Variants in A2ML1 observed in about 807,000 individuals in gnomAD.
A2ML1 encodes alpha-2-macroglobulin-like protein 1.
A2ML1 carries 161 observed loss-of-function variants against 181.9 expected under a neutral mutation model. The observed-to-expected ratio is 0.89, with a 90% CI of 0.78 to 1.01. The LOEUF (loss-of-function observed/expected upper bound fraction) is 1.01. A2ML1 is among the 50% of genes least tolerant of loss of function. A2ML1 has a pLI of 0.00. For missense variants in A2ML1, 1,670 were observed against 1,768.1 expected (o/e 0.94, Z 1.00); for synonymous variants, 663 against 666.8 (o/e 0.99, Z 0.09).
At chr12:8,867,349 T>C (rs1944454634) in intron 29 of A2ML1, among the ~76,000 whole-genome samples, 2 of 152,194 alleles carry the variant, frequency 1.3e-5, no homozygotes, top group Non-Finnish European at 2.9e-5. Context: ...GGTGATTTTC[T>C]ATAAAAGCAT....
intron 14 of A2ML1, among the ~76,000 whole-genome samples, chr12:8,847,243 A>AT (rs1056266307): frequency 8.0e-4 from 26 of 32,526 alleles, no homozygotes; most frequent in Non-Finnish European, 1.2e-3. Flanking sequence ...CCCTGTCTCT[A>AT]TTAAAAAAAA....
chr12:8,839,200 C>A lies in A2ML1; in HGVS notation c.1058C>A (p.Pro353Gln). 6.2e-7 allele frequency: 1 copy of A among 1,613,134 alleles called. No homozygotes were observed. Among genetic ancestry groups the A allele is most frequent in the South Asian group, 1.1e-5 (1 of 91,006 alleles). ...TFEDTSNFYH[P>Q]NFPFSGKIRV... ...GAAGACACCAGCAATTTTTACCATC[C>A]AAATTTCCCCTTCAGTGGGAAGGTA... Residue 353 changes from proline (P) to glutamine (Q), a missense_variant, in exon 10 of 36, where the codon CCA becomes CAA. Pro to Gln is a moderately conservative substitution (Grantham distance 76, BLOSUM62 -1). Transcript: ENST00000299698.
At chr12:8,844,880 C>A in intron 12 of A2ML1, 1 of 755,760 alleles carries the variant, frequency 1.3e-6, no homozygotes, top group Non-Finnish European at 1.7e-6. Flanking sequence ...AAGGAACCGA[C>A]CTTGGAGCCC....
At chr12:8,860,744 GA>G (rs1305917656) in intron 26 of A2ML1, 136 bp from the exon 27 acceptor site, 1 of 741,134 alleles carries the variant, frequency 1.3e-6, no homozygotes. Flanking sequence ...AAAGCCTGTG[GA>G]AAAAAGAGCT....
At chr12:8,834,803 C>CCAGCACCGA (rs1565465948) in intron 5 of A2ML1, 121 bp downstream of exon 5, 3 of 1,269,646 alleles carry the variant, frequency 2.4e-6, no homozygotes, top group Non-Finnish European at 3.3e-6. Context: ...ATGACTCTGC[C>CCAGCACCGA]CAGCACCGAG....
At chr12:8,858,962 A>G (rs1944165086) in intron 26 of A2ML1, among the ~76,000 whole-genome samples, 1 of 152,100 alleles carries the variant, frequency 6.6e-6, no homozygotes. Flanking sequence ...TCATGTTTAC[A>G]ACAAATCAAT....
chr12:8,844,323 A>C (rs751907786), intron 12 of A2ML1, among the ~76,000 whole-genome samples: 2 of 149,594 alleles, frequency 1.3e-5, no homozygotes, highest in East Asian at 4.0e-4. Flanking sequence ...GCTGGTCTTG[A>C]ACTCCTGACC....
chr12:8,850,107 C>A, intron 17 of A2ML1, 53 bp from the exon 18 acceptor site: 1 of 1,389,170 alleles, frequency 7.2e-7, no homozygotes, highest in South Asian at 1.3e-5. Context: ...CAATTTATGT[C>A]ACAACAAGAA....
At chr12:8,884,683 T>C (rs1944905196) in intron 7 of A2ML1, among the ~76,000 whole-genome samples, 1 of 152,234 alleles carries the variant, frequency 6.6e-6, no homozygotes, top group Non-Finnish European at 1.5e-5. Flanking sequence ...ACAACAGGCA[T>C]GTGCCACCGT....
At chr12:8,831,810 C>T (rs754645922) in intron 4 of A2ML1, among the ~76,000 whole-genome samples, 1 of 151,884 alleles carries the variant, frequency 6.6e-6, no homozygotes, top group East Asian at 1.9e-4. Flanking sequence ...AGTGCAATGG[C>T]GCGATCTCGG....
chr12:8,848,637 AACTGAGC>A (rs1943783722), intron 15 of A2ML1, 76 bp from the exon 16 acceptor site: 1 of 1,132,536 alleles, frequency 8.8e-7, no homozygotes, highest in Admixed American at 2.5e-5. Flanking sequence ...AGGAGTAGTG[AACTGAGC>A]ACCAGAATCT....
chr12:8,831,946 C>G (rs1249621406), intron 4 of A2ML1, among the ~76,000 whole-genome samples: 1 of 152,096 alleles, frequency 6.6e-6, no homozygotes, highest in Non-Finnish European at 1.5e-5. Flanking sequence ...GACGGGGTTT[C>G]TTCATGTTGG....
intron 33 of A2ML1, 120 bp from the exon 34 acceptor site, chr12:8,874,305 C>G: frequency 1.4e-6 from 1 of 714,012 alleles, no homozygotes; most frequent in Non-Finnish European, 2.3e-6. Context: ...CATGAGCCAC[C>G]GTGCCTGGCG....
chr12:8,884,240 TG>T (rs57784164), intron 7 of A2ML1, among the ~76,000 whole-genome samples: 8,708 of 137,608 alleles, frequency 0.063, 401 homozygotes, highest in East Asian at 0.17. Flanking sequence ...TGTTTTTTTT[TG>T]TTTTGTTTTT....
chr12:8,867,889 C>T lies in A2ML1; in HGVS notation c.3765C>T (p.Ala1255=), dbSNP rs1157251634. 1.9e-6 allele frequency: 3 copies of T among 1,614,242 alleles called. No individual in the cohort carries two copies. Among genetic ancestry groups the T allele is most frequent in the African/African-American group, 1.3e-5 (1 of 75,068 alleles). ...LQALAKYATT[A]YMPSEEINLV... The stretch of plus-strand genomic sequence containing the variant: ...CTCTTGCCAAATATGCCACTACCGC[C>T]TACATGCCATCTGAGGAGATCAACC... Residue 1255 remains alanine, a synonymous_variant, in exon 30 of 36, where the codon GCC becomes GCT. Coordinates refer to ENST00000299698, the MANE Select transcript of A2ML1 (RefSeq NM_144670.6).
chr12:8,877,358 A>T (rs79150240), downstream of A2ML1, among the ~76,000 whole-genome samples: 2,628 of 152,322 alleles, frequency 0.017, 73 homozygotes, highest in African/African-American at 0.06. Context: ...TAAACTAAAG[A>T]GCTTCTGCAC....
intron 3 of A2ML1, among the ~76,000 whole-genome samples, chr12:8,827,235 GAGGC>G (rs1422064541): frequency 1.3e-5 from 2 of 152,176 alleles, no homozygotes; most frequent in Non-Finnish European, 2.9e-5. Context: ...AGCTACTGGG[GAGGC>G]TGAGGCAGGA....
chr12:8,841,346 C>A (rs760905677), intron 10 of A2ML1, 23 bp from the exon 11 acceptor site: 2 of 1,607,548 alleles, frequency 1.2e-6, no homozygotes, highest in Admixed American at 3.4e-5. Flanking sequence ...TAATTCTAAT[C>A]CGTAATGATC....
At chr12:8,847,000 T>C (rs1943709805) in intron 14 of A2ML1, among the ~76,000 whole-genome samples, 1 of 151,028 alleles carries the variant, frequency 6.6e-6, no homozygotes, top group South Asian at 2.1e-4. Flanking sequence ...AATGGTGCGA[T>C]CTCGGCTCAC....
Sources: gnomAD v4.1 joint callset for allele counts (sites outside exome capture counted in the v4.1 genomes callset) on GRCh38, gnomAD v4.1.1 for gene constraint, MANE v1.5 for transcripts, NCBI Gene and HGNC (gene_info 2026-07-23, HGNC 2026-07-21) for gene names.